The following KCTD16 variants were observed in gnomAD, a reference collection of about 807,000 sequenced individuals.
KCTD16 encodes BTB/POZ domain-containing protein KCTD16.
A neutral mutation model predicts 33.2 loss-of-function variants in KCTD16; 13 were observed. The ratio of observed to expected loss-of-function variants is 0.39; its 90% CI spans 0.25 to 0.62. The LOEUF (loss-of-function observed/expected upper bound fraction) is 0.62, where lower values mean the gene tolerates loss of function less well. Among genes scored for constraint, KCTD16 ranks in the 20% least tolerant of loss-of-function variants. KCTD16 has a pLI of 0.50. For missense variants in KCTD16, 441 were observed against 525.1 expected (o/e 0.84, Z 1.57); for synonymous variants, 197 against 195.3 (o/e 1.01, Z -0.07).
chr5:144,312,754 G>A (rs867000346), intron 3 of KCTD16, among the ~76,000 whole-genome samples: 1 of 152,196 alleles, frequency 6.6e-6, no homozygotes, highest in African/African-American at 2.4e-5. Flanking sequence ...CACTGGAAAA[G>A]GGTGTGAAGG....
chr5:144,209,882 G>A (rs986800776), intron 3 of KCTD16, among the ~76,000 whole-genome samples: 6 of 143,062 alleles, frequency 4.2e-5, no homozygotes, highest in African/African-American at 1.6e-4. Context: ...GTGTATGTAT[G>A]TATATATATG....
intron 2 of KCTD16, among the ~76,000 whole-genome samples, chr5:144,187,651 CTTAA>C (rs1198110287): frequency 6.6e-6 from 1 of 152,158 alleles, no homozygotes; most frequent in Non-Finnish European, 1.5e-5. Context: ...TTCTTAATTG[CTTAA>C]TTGTTTATTA....
chr5:144,224,765 A>G (rs1416392103), intron 3 of KCTD16, among the ~76,000 whole-genome samples: 2 of 152,186 alleles, frequency 1.3e-5, no homozygotes, highest in Non-Finnish European at 2.9e-5. Context: ...ATATATTTAC[A>G]TTCTGTGATG....
intron 3 of KCTD16, among the ~76,000 whole-genome samples, chr5:144,434,914 A>G (rs1753542034): frequency 6.6e-6 from 1 of 152,178 alleles, no homozygotes; most frequent in Non-Finnish European, 1.5e-5. Flanking sequence ...GATGGTGGAA[A>G]TATCTCTCTG....
chr5:144,387,138 A>T (rs144838280), intron 3 of KCTD16, among the ~76,000 whole-genome samples: 17 of 116,158 alleles, frequency 1.5e-4, no homozygotes, highest in Non-Finnish European at 2.0e-4. Flanking sequence ...GGCTAATTTA[A>T]TTTTTTTTTT....
At chr5:144,302,471 T>G (rs945438755) in intron 3 of KCTD16, among the ~76,000 whole-genome samples, 3 of 152,214 alleles carry the variant, frequency 2.0e-5, no homozygotes, top group Admixed American at 6.5e-5. Flanking sequence ...GGGTTCTATC[T>G]TTGGTACAGA....
chr5:144,368,832 T>C (rs542660435), intron 3 of KCTD16, among the ~76,000 whole-genome samples: 42 of 152,308 alleles, frequency 2.8e-4, no homozygotes, highest in South Asian at 2.7e-3. Context: ...CCTTAGGAAG[T>C]ACGGAGGTCT....
intron 3 of KCTD16, among the ~76,000 whole-genome samples, chr5:144,371,558 T>C (rs1283192240): frequency 6.6e-6 from 1 of 152,176 alleles, no homozygotes; most frequent in Non-Finnish European, 1.5e-5. Context: ...TCCACGTTCC[T>C]GGACACCATG....
At chr5:144,178,744 ATTTCT>A (rs1293813725) in intron 2 of KCTD16, among the ~76,000 whole-genome samples, 3 of 152,194 alleles carry the variant, frequency 2.0e-5, no homozygotes, top group Non-Finnish European at 2.9e-5. Context: ...TATAAATGTC[ATTTCT>A]TTTCTTGACT....
At chr5:144,312,707 A>G (rs1751797891) in intron 3 of KCTD16, among the ~76,000 whole-genome samples, 1 of 152,176 alleles carries the variant, frequency 6.6e-6, no homozygotes, top group African/African-American at 2.4e-5. Context: ...GAAAAATGTA[A>G]AATAATGTAT....
chr5:144,205,544 C>A (rs3797084), intron 2 of KCTD16: 2 of 398,430 alleles, frequency 5.0e-6, no homozygotes, highest in Non-Finnish European at 8.8e-6. Context: ...TTGCCCTTGC[C>A]GGCAGGTGGG....
At chr5:144,246,558 G>A (rs549084326) in intron 3 of KCTD16, among the ~76,000 whole-genome samples, 68 of 152,176 alleles carry the variant, frequency 4.5e-4, no homozygotes, top group African/African-American at 1.5e-3. Flanking sequence ...TACTTGTTGT[G>A]TGTTAACTTA....
chr5:144,282,693 T>C (rs957357279), intron 3 of KCTD16, among the ~76,000 whole-genome samples: 2 of 152,194 alleles, frequency 1.3e-5, no homozygotes, highest in African/African-American at 4.8e-5. Context: ...GTTTTTCCTA[T>C]CTCTTATCTG....
At chr5:144,357,575 A>G (rs1173119710) in intron 3 of KCTD16, among the ~76,000 whole-genome samples, 1 of 152,214 alleles carries the variant, frequency 6.6e-6, no homozygotes, top group Non-Finnish European at 1.5e-5. Flanking sequence ...TAAATTAAAT[A>G]TAACCAAGGT....
At chr5:144,282,789 AAGAG>A (rs1755641737) in intron 3 of KCTD16, among the ~76,000 whole-genome samples, 1 of 152,176 alleles carries the variant, frequency 6.6e-6, no homozygotes, top group South Asian at 2.1e-4. Context: ...ACAGAGGAGC[AAGAG>A]AGAAGTAAGA....
chr5:144,223,721 G>A (rs1473115436), intron 3 of KCTD16, among the ~76,000 whole-genome samples: 4 of 152,018 alleles, frequency 2.6e-5, no homozygotes, highest in Non-Finnish European at 5.9e-5. Context: ...ATCCCGAGGT[G>A]GAGAGGGGAG....
chr5:144,339,550 T>C (rs916750585), intron 3 of KCTD16, among the ~76,000 whole-genome samples: 15 of 152,222 alleles, frequency 9.9e-5, no homozygotes, highest in Non-Finnish European at 1.5e-4. Context: ...ATTTTACTTC[T>C]CTATGTTATT....
At chr5:144,355,923 T>C (rs1441291258) in intron 3 of KCTD16, among the ~76,000 whole-genome samples, 1 of 152,158 alleles carries the variant, frequency 6.6e-6, no homozygotes, top group East Asian at 1.9e-4. Flanking sequence ...GGTCAACCCA[T>C]TTGGGAGAAA....
chr5:144,177,723 T>C (rs1113685), intron 2 of KCTD16, among the ~76,000 whole-genome samples: 68,665 of 151,956 alleles, frequency 0.45, 16,411 homozygotes, highest in African/African-American at 0.61. Flanking sequence ...CTCATTTTAA[T>C]TTGATTATCT....
Sources: gnomAD v4.1 joint callset for allele counts (sites outside exome capture counted in the v4.1 genomes callset) on GRCh38, gnomAD v4.1.1 for gene constraint, MANE v1.5 for transcripts, NCBI Gene and HGNC (gene_info 2026-07-23, HGNC 2026-07-21) for gene names.